LRRTM4: variants seen among roughly 807,000 people sequenced by gnomAD.
LRRTM4 encodes the protein leucine-rich repeat transmembrane neuronal protein 4.
A neutral mutation model predicts 47.6 loss-of-function variants in LRRTM4; 25 were observed. The ratio of observed to expected loss-of-function variants is 0.53; its 90% CI spans 0.38 to 0.73. The LOEUF (loss-of-function observed/expected upper bound fraction) is 0.73, where lower values mean the gene tolerates loss of function less well. Ranked by LOEUF, LRRTM4 falls within the 30% of genes least tolerant of loss-of-function variation. The probability of loss-of-function intolerance (pLI) is 0.00; values close to 1 mark genes in which losing one functional copy is unlikely to be tolerated. For missense variants in LRRTM4, 638 were observed against 713.4 expected (o/e 0.89, Z 1.20); for synonymous variants, 311 against 269.5 (o/e 1.15, Z -1.51).
chr2:76,989,209 G>T (rs1159790644), intron 3 of LRRTM4, among the ~76,000 whole-genome samples: 1 of 151,750 alleles, frequency 6.6e-6, no homozygotes, highest in African/African-American at 2.4e-5. Flanking sequence ...TGAATAAAGT[G>T]ACTGAGTAGC....
rs1424119415 is a variant in LRRTM4 at position 76,875,861 on chromosome 2, C to G, written c.1552-126945G>C. Among the ~76,000 whole-genome samples the G allele has an allele frequency of 2.0e-5, 3 of 152,252 alleles. No homozygotes were observed. In the East Asian group the frequency reaches 5.8e-4, roughly 29 times the overall value. ...CAATGTGTTGTGGGACTGGGGACAA[C>G]TGCCACAGGCAGACTCAACTTCAGC... On this transcript the variant is annotated intron_variant, in intron 3 of 3. Coordinates refer to ENST00000409884, the MANE Select transcript of LRRTM4 (RefSeq NM_001134745.3).
At chr2:76,968,121 T>C (rs1328738962) in intron 3 of LRRTM4, among the ~76,000 whole-genome samples, 2 of 151,162 alleles carry the variant, frequency 1.3e-5, no homozygotes, top group Admixed American at 1.3e-4. Context: ...AACATTTTGA[T>C]GCATATGCAA....
intron 3 of LRRTM4, chr2:77,517,901 A>AT (rs1319164452): frequency 2.0e-6 from 2 of 989,540 alleles, no homozygotes; most frequent in African/African-American, 3.5e-5. Flanking sequence ...ACCTTCTGGA[A>AT]TTTTGGTAAA....
intron 3 of LRRTM4, among the ~76,000 whole-genome samples, chr2:77,364,959 A>C (rs567092549): frequency 8.1e-4 from 123 of 152,122 alleles, no homozygotes; most frequent in African/African-American, 2.8e-3. Context: ...ACAAACATTG[A>C]TCCTACCAGT....
chr2:77,224,593 C>CA (rs1461344917), intron 3 of LRRTM4, among the ~76,000 whole-genome samples: 3 of 152,100 alleles, frequency 2.0e-5, no homozygotes, highest in South Asian at 2.1e-4. Context: ...TTTATGCAGC[C>CA]AAAAAACACA....
At chr2:76,805,333 A>C (rs934317886) in intron 3 of LRRTM4, among the ~76,000 whole-genome samples, 36 of 152,198 alleles carry the variant, frequency 2.4e-4, no homozygotes, top group African/African-American at 8.7e-4. Flanking sequence ...ACAGCCAGTG[A>C]AAAGCAAGGG....
intron 3 of LRRTM4, among the ~76,000 whole-genome samples, chr2:77,283,335 G>A (rs1008385395): frequency 6.6e-6 from 1 of 151,986 alleles, no homozygotes; most frequent in Non-Finnish European, 1.5e-5. Flanking sequence ...AGAGATTCTG[G>A]TGGGGCTGCA....
chr2:76,901,689 G>A (rs1173530857), intron 3 of LRRTM4, among the ~76,000 whole-genome samples: 2 of 152,114 alleles, frequency 1.3e-5, no homozygotes, highest in East Asian at 3.9e-4. Flanking sequence ...ATGTGTCGGA[G>A]ACCAGAAAAC....
intron 3 of LRRTM4, among the ~76,000 whole-genome samples, chr2:76,826,983 C>G (rs1268620749): frequency 6.6e-6 from 1 of 151,890 alleles, no homozygotes; most frequent in East Asian, 1.9e-4. Flanking sequence ...TGTTTCCAAG[C>G]TCACAAGCCA....
At chr2:76,955,665 G>A (rs79525891) in intron 3 of LRRTM4, among the ~76,000 whole-genome samples, 5,923 of 151,762 alleles carry the variant, frequency 0.039, 256 homozygotes, top group East Asian at 0.14. Context: ...TAGGTCATGA[G>A]GGTGGAGCTC....
chr2:77,122,436 G>A (rs1326490104), intron 3 of LRRTM4, among the ~76,000 whole-genome samples: 2 of 149,824 alleles, frequency 1.3e-5, no homozygotes, highest in Non-Finnish European at 3.0e-5. Flanking sequence ...TGTGTGTATA[G>A]ATATACATAT....
chr2:77,486,227 G>A (rs1317691799), intron 3 of LRRTM4, among the ~76,000 whole-genome samples: 1 of 152,052 alleles, frequency 6.6e-6, no homozygotes, highest in Non-Finnish European at 1.5e-5. Flanking sequence ...AGTAAATAGG[G>A]GTGGCAGTTG....
intron 3 of LRRTM4, among the ~76,000 whole-genome samples, chr2:77,059,477 T>A (rs1218037216): frequency 1.0e-5 from 1 of 99,610 alleles, no homozygotes; most frequent in African/African-American, 5.8e-5. Flanking sequence ...CACAAGCTCG[T>A]TGAGTGTGGT....
intron 3 of LRRTM4, among the ~76,000 whole-genome samples, chr2:76,955,135 A>G (rs901532756): frequency 1.3e-5 from 2 of 151,874 alleles, no homozygotes; most frequent in African/African-American, 4.8e-5. Flanking sequence ...AAAGCATGTA[A>G]AAGTATGAAG....
At chr2:77,097,842 T>C (rs1558578962) in intron 3 of LRRTM4, among the ~76,000 whole-genome samples, 2 of 151,816 alleles carry the variant, frequency 1.3e-5, no homozygotes, top group Non-Finnish European at 2.9e-5. Context: ...ATTAATGACA[T>C]AGAAAACAAG....
At chr2:77,496,569 G>A (rs1270453916) in intron 3 of LRRTM4, among the ~76,000 whole-genome samples, 3 of 151,732 alleles carry the variant, frequency 2.0e-5, no homozygotes, top group Non-Finnish European at 4.4e-5. Context: ...TTGTCTGCTT[G>A]TACTGAGATG....
chr2:77,114,509 G>C (rs758662388), intron 3 of LRRTM4, among the ~76,000 whole-genome samples: 2 of 152,096 alleles, frequency 1.3e-5, no homozygotes, highest in African/African-American at 4.8e-5. Context: ...CCAGACAGAC[G>C]AACATTTCTC....
chr2:76,975,056 TAACAAAAACAAACAAACC>T (rs1005832312), intron 3 of LRRTM4, among the ~76,000 whole-genome samples: 12 of 151,838 alleles, frequency 7.9e-5, no homozygotes, highest in East Asian at 5.8e-4. Context: ...GATCAGTGGT[TAACAAAAACAAACAAACC>T]AACAAAAACA....
intron 3 of LRRTM4, among the ~76,000 whole-genome samples, chr2:76,852,951 A>T (rs549337824): frequency 6.6e-6 from 1 of 152,262 alleles, no homozygotes; most frequent in South Asian, 2.1e-4. Flanking sequence ...ATTAGAAAAA[A>T]ACAGTATATT....
Sources: allele counts gnomAD v4.1 joint callset (sites outside exome capture counted in the v4.1 genomes callset), GRCh38; gene constraint gnomAD v4.1.1; transcripts MANE v1.5; gene names NCBI Gene and HGNC (gene_info 2026-07-23, HGNC 2026-07-21).